FBN1: variants seen among roughly 807,000 people sequenced by gnomAD.
FBN1 encodes fibrillin-1.
Under a neutral mutation model 365.1 loss-of-function variants are expected in FBN1, and 29 were observed. That is an observed-to-expected ratio of 0.08 (90% confidence interval 0.06 to 0.11). FBN1 has a LOEUF of 0.11. FBN1 is among the 10% of genes least tolerant of loss of function. FBN1 has a pLI of 1.00. For synonymous variants in FBN1, 1,210 were observed against 1,270.5 expected, an observed-to-expected ratio of 0.95 and a Z score of 1.01; for missense variants, 2,476 against 3,703.2, an observed-to-expected ratio of 0.67 and a Z score of 8.60.
At chr15:48,417,440 C>CCTT (rs1223718687) in intron 63 of FBN1, among the ~76,000 whole-genome samples, 3 of 75,602 alleles carry the variant, frequency 4.0e-5, no homozygotes, top group East Asian at 1.0e-3. Flanking sequence ...CTCCCCTCCC[C>CCTT]TCCCTCCTTT....
At chr15:48,513,771 GAAAT>G (rs2043780079) in intron 12 of FBN1, 103 bp from the exon 13 acceptor site, 3 of 1,304,564 alleles carry the variant, frequency 2.3e-6, no homozygotes, top group Admixed American at 3.9e-5. Context: ...TTCCTTTTGA[GAAAT>G]AAATAACATA....
chr15:48,494,994 G>A (rs2043592191), intron 22 of FBN1, 129 bp downstream of exon 22: 1 of 1,044,878 alleles, frequency 9.6e-7, no homozygotes, highest in Non-Finnish European at 1.5e-6. Context: ...TCAGCAATAT[G>A]TTCGGGGCCA....
chr15:48,454,966 A>G (rs2043228294), intron 44 of FBN1, among the ~76,000 whole-genome samples: 1 of 152,342 alleles, frequency 6.6e-6, no homozygotes, highest in African/African-American at 2.4e-5. Flanking sequence ...GAAACTGAGT[A>G]GTGTCACAGA....
At chr15:48,442,737 C>A (rs12591041) in intron 49 of FBN1, among the ~76,000 whole-genome samples, 2 of 152,258 alleles carry the variant, frequency 1.3e-5, no homozygotes, top group South Asian at 4.1e-4. Context: ...ATAAAACATA[C>A]GATTACCTAT....
At chr15:48,553,687 ATGTTAT>A (rs2044159714) in intron 6 of FBN1, among the ~76,000 whole-genome samples, 1 of 150,880 alleles carries the variant, frequency 6.6e-6, no homozygotes, top group Admixed American at 6.6e-5. Context: ...TTTTTTCCAG[ATGTTAT>A]TGTTAATTTC....
At chr15:48,613,177 A>G (rs906092076) in intron 2 of FBN1, 85 bp from the exon 3 acceptor site, 9 of 1,019,234 alleles carry the variant, frequency 8.8e-6, no homozygotes, top group Non-Finnish European at 1.2e-5. Flanking sequence ...AAAATTCCTG[A>G]GTTATAAAAG....
chr15:48,437,128 A>G (rs1417462274), intron 52 of FBN1, 51 bp from the exon 53 acceptor site: 3 of 1,308,982 alleles, frequency 2.3e-6, no homozygotes, highest in Admixed American at 3.4e-5. Flanking sequence ...TTTAAACGTG[A>G]AGATAAATTA....
In FBN1 at chr15:48,456,090, C is replaced by T. The variant is rs79971450; in HGVS notation, c.5422+547G>A. ...GTGCTATAAGGAATGCTCCGAATCA[C>T]AGTACATATACATGGCAACAGGAGG... On this transcript the variant is annotated intron_variant, in intron 44 of 65. Coordinates refer to ENST00000316623, the MANE Select transcript of FBN1 (RefSeq NM_000138.5). Among the ~76,000 whole-genome samples the T allele has an allele frequency of 5.9e-5, 9 of 152,310 alleles. No homozygotes were observed. The East Asian group carries it at 1.7e-3, about 29-fold the overall frequency.
chr15:48,457,960 T>C (rs1440865124), intron 43 of FBN1, among the ~76,000 whole-genome samples: 1 of 152,166 alleles, frequency 6.6e-6, no homozygotes, highest in Non-Finnish European at 1.5e-5. Context: ...TATGGTGATT[T>C]CCTGCATCAC....
chr15:48,639,747 G>A (rs996125923), intron 2 of FBN1, among the ~76,000 whole-genome samples: 7 of 152,298 alleles, frequency 4.6e-5, no homozygotes, highest in South Asian at 4.1e-4. Context: ...TATTATTGAT[G>A]TCGGTTTCTT....
intron 45 of FBN1, 113 bp downstream of exon 45, chr15:48,452,449 A>G (rs1020092790): frequency 7.7e-7 from 1 of 1,291,432 alleles, no homozygotes; most frequent in African/African-American, 1.5e-5. Flanking sequence ...ATCAATCTAA[A>G]TCTTAACTCA....
At chr15:48,418,645 C>G (rs946541190) in intron 63 of FBN1, among the ~76,000 whole-genome samples, 5 of 152,164 alleles carry the variant, frequency 3.3e-5, no homozygotes, top group African/African-American at 1.2e-4. Flanking sequence ...TTTTTTTACA[C>G]TCCAAAATAT....
rs200407057 is a variant in FBN1, at chr15:48,550,990, AATGG to A, written c.539-13186_539-13183del. On this transcript the variant is annotated intron_variant, in intron 6 of 65. Transcript: ENST00000316623. Reference sequence around the variant, plus strand: ...GAATGAATGAATGAATGAATGAATGAATGGAGGATGCAAAATGACATATCTTTAA... The same window carrying A: ...GAATGAATGAATGAATGAATGAATGAAGGATGCAAAATGACATATCTTTAA... Among the ~76,000 whole-genome samples the A allele has an allele frequency of 7.1e-4, 108 of 152,274 alleles. 1 individual carries two copies. The highest frequency in any genetic ancestry group is 5.9e-3 in the Admixed American group (90 of 15,296).
intron 25 of FBN1, among the ~76,000 whole-genome samples, chr15:48,489,431 T>C (rs184924648): frequency 3.5e-4 from 53 of 152,180 alleles, no homozygotes; most frequent in African/African-American, 1.2e-3. Flanking sequence ...AGTTTCCCAC[T>C]ACAGGGCCTT....
intron 6 of FBN1, among the ~76,000 whole-genome samples, chr15:48,594,328 C>A (rs989540250): frequency 6.6e-6 from 1 of 152,176 alleles, no homozygotes; most frequent in Non-Finnish European, 1.5e-5. Context: ...TACTAACGGG[C>A]AAGCCTGCCT....
intron 45 of FBN1, among the ~76,000 whole-genome samples, chr15:48,450,250 G>C (rs2043190641): frequency 6.6e-6 from 1 of 152,188 alleles, no homozygotes; most frequent in Non-Finnish European, 1.5e-5. Flanking sequence ...ACTGGACCTG[G>C]AGGTATGCAG....
intron 45 of FBN1, among the ~76,000 whole-genome samples, chr15:48,449,763 T>C (rs2043186428): frequency 1.3e-5 from 2 of 152,212 alleles, no homozygotes; most frequent in Admixed American, 6.5e-5. Flanking sequence ...TGGAGTGTCA[T>C]CTTTGCTGCA....
intron 6 of FBN1, among the ~76,000 whole-genome samples, chr15:48,551,905 T>C (rs1347947903): frequency 5.3e-5 from 8 of 152,248 alleles, no homozygotes; most frequent in Non-Finnish European, 1.2e-4. Context: ...TCCGGTCTCA[T>C]TGATGGACAG....
At chr15:48,474,033 C>CGAT (rs2043398543) in intron 34 of FBN1, among the ~76,000 whole-genome samples, 1 of 152,088 alleles carries the variant, frequency 6.6e-6, no homozygotes, top group African/African-American at 2.4e-5. Context: ...AAATATCTAT[C>CGAT]TATCTATCTA....
Sources: allele counts gnomAD v4.1 joint callset (sites outside exome capture counted in the v4.1 genomes callset), GRCh38; gene constraint gnomAD v4.1.1; transcripts MANE v1.5; gene names NCBI Gene and HGNC (gene_info 2026-07-23, HGNC 2026-07-21).